THSD7B: variants seen among roughly 807,000 people sequenced by gnomAD.
The protein encoded by THSD7B is thrombospondin type 1 domain containing 7B.
Under a neutral mutation model 213.6 loss-of-function variants are expected in THSD7B, and 138 were observed. The observed-to-expected ratio is 0.65, with a 90% CI of 0.56 to 0.74. The LOEUF is 0.74. Among genes scored for constraint, THSD7B ranks in the 30% least tolerant of loss-of-function variants. THSD7B has a pLI of 0.00. For synonymous variants in THSD7B, 742 were observed against 687.0 expected (o/e 1.08, Z -1.25); for missense variants, 1,931 against 1,991.5 (o/e 0.97, Z 0.58).
At chr2:136,990,985 C>T (rs771982692) in intron 2 of THSD7B, 25 of 1,290,608 alleles carry the variant, frequency 1.9e-5, no homozygotes, top group East Asian at 5.3e-5. Context: ...ACTATCACAT[C>T]GTCTCTGCTG....
chr2:137,325,151 C>A (rs1033897384), intron 12 of THSD7B, among the ~76,000 whole-genome samples: 1 of 88,078 alleles, frequency 1.1e-5, no homozygotes, highest in Non-Finnish European at 2.5e-5. Context: ...CCTTCTCCAC[C>A]TACATTGTTT....
At chr2:136,809,909 A>G (rs1484541869) in intron 1 of THSD7B, among the ~76,000 whole-genome samples, 1 of 152,200 alleles carries the variant, frequency 6.6e-6, no homozygotes, top group Admixed American at 6.5e-5. Flanking sequence ...CAGAATAGGC[A>G]TGATGGGCTG....
At chr2:137,102,034 G>A (rs1688160267) in intron 4 of THSD7B, among the ~76,000 whole-genome samples, 1 of 152,242 alleles carries the variant, frequency 6.6e-6, no homozygotes, top group Non-Finnish European at 1.5e-5. Flanking sequence ...CAGCACTCAA[G>A]CTCTGCTAAG....
intron 12 of THSD7B, among the ~76,000 whole-genome samples, chr2:137,297,430 T>G (rs1683493114): frequency 6.6e-6 from 1 of 151,862 alleles, no homozygotes; most frequent in African/African-American, 2.4e-5. Flanking sequence ...ATTTGAAGGT[T>G]TTTTCTTTCT....
chr2:136,873,018 A>G (rs1436540095), intron 1 of THSD7B, among the ~76,000 whole-genome samples: 1 of 50,480 alleles, frequency 2.0e-5, no homozygotes, highest in Non-Finnish European at 4.4e-5. Flanking sequence ...GCAAGACTCC[A>G]TCTAAAAAAA....
chr2:136,791,558 C>T (rs889443423), intron 1 of THSD7B, among the ~76,000 whole-genome samples: 2 of 151,764 alleles, frequency 1.3e-5, no homozygotes, highest in East Asian at 1.9e-4. Flanking sequence ...CCCCGCCCCC[C>T]ATCCGAGGCA....
chr2:137,419,927 G>C (rs1686886811), intron 14 of THSD7B, among the ~76,000 whole-genome samples: 1 of 152,024 alleles, frequency 6.6e-6, no homozygotes, highest in South Asian at 2.1e-4. Context: ...ATACCCCTTT[G>C]CTATATTGAC....
chr2:137,612,692 G>T (rs1042024788), intron 17 of THSD7B, among the ~76,000 whole-genome samples: 1 of 152,040 alleles, frequency 6.6e-6, no homozygotes, highest in East Asian at 1.9e-4. Context: ...AGGAACCCTG[G>T]TTTTCTCTCT....
intron 2 of THSD7B, among the ~76,000 whole-genome samples, chr2:137,011,840 G>T (rs1261182243): frequency 6.6e-6 from 1 of 152,078 alleles, no homozygotes; most frequent in Admixed American, 6.6e-5. Context: ...TCTTTTGTTT[G>T]ATCACTACCG....
chr2:137,628,920 T>C (rs1682687873), intron 20 of THSD7B, among the ~76,000 whole-genome samples: 1 of 152,170 alleles, frequency 6.6e-6, no homozygotes, highest in Non-Finnish European at 1.5e-5. Context: ...ACCTTGGCAC[T>C]TTTCCTTACA....
chr2:136,843,073 G>T (rs1020034346), intron 1 of THSD7B, among the ~76,000 whole-genome samples: 2 of 146,486 alleles, frequency 1.4e-5, no homozygotes, highest in African/African-American at 5.1e-5. Context: ...CTGTTCACTC[G>T]TATCGAGTGG....
At chr2:136,922,323 A>G (rs1684449651) in intron 2 of THSD7B, among the ~76,000 whole-genome samples, 1 of 152,178 alleles carries the variant, frequency 6.6e-6, no homozygotes. Context: ...ACCTGATTCC[A>G]ATGGGAACAT....
chr2:136,938,153 G>A (rs1684764130), intron 2 of THSD7B, among the ~76,000 whole-genome samples: 1 of 152,202 alleles, frequency 6.6e-6, no homozygotes, highest in Admixed American at 6.5e-5. Flanking sequence ...TACTTATGCA[G>A]TGGTTTGTAG....
chr2:137,317,583 C>G (rs781134780), intron 12 of THSD7B, among the ~76,000 whole-genome samples: 3 of 152,194 alleles, frequency 2.0e-5, no homozygotes, highest in African/African-American at 4.8e-5. Flanking sequence ...GTTTTACTAA[C>G]TCACAAAACG....
intron 12 of THSD7B, among the ~76,000 whole-genome samples, chr2:137,310,556 G>A (rs1018245544): frequency 2.6e-5 from 4 of 151,246 alleles, no homozygotes; most frequent in Non-Finnish European, 5.9e-5. Flanking sequence ...TGCTTTTGGT[G>A]TTTTAGACAT....
intron 21 of THSD7B, among the ~76,000 whole-genome samples, chr2:137,650,518 C>T (rs1683118516): frequency 6.6e-6 from 1 of 152,140 alleles, no homozygotes; most frequent in African/African-American, 2.4e-5. Context: ...AAGATCATAT[C>T]ATCTGCAAAC....
At chr2:137,227,113 T>C (rs1369941733) in intron 7 of THSD7B, among the ~76,000 whole-genome samples, 3 of 152,168 alleles carry the variant, frequency 2.0e-5, no homozygotes, top group South Asian at 2.1e-4. Flanking sequence ...GGGCTTTACT[T>C]TGGAGTGATT....
chr2:137,148,178 T>G (rs1212171055), intron 5 of THSD7B, among the ~76,000 whole-genome samples: 2 of 152,074 alleles, frequency 1.3e-5, no homozygotes, highest in East Asian at 3.9e-4. Context: ...TATAAAGGAC[T>G]TTTCCCCCTC....
rs186663421 is a variant in THSD7B at position 137,268,399 on chromosome 2, C to G, written c.2267-4134C>G. On this transcript the variant is annotated intron_variant, in intron 10 of 27. Coordinates refer to ENST00000409968, the MANE Select transcript of THSD7B (RefSeq NM_001316349.2). ...ATTCCCACCTATGAGTGAGAACATG[C>G]AGTGTTTGGTTTTCTGTCCTTGTGA... 3.5e-4 allele frequency among the ~76,000 whole-genome samples: 52 copies of G among 150,570 alleles called. No individual in the cohort carries two copies. The East Asian group carries it at 1.0e-2, about 29-fold the overall frequency.
Sources: gnomAD v4.1 joint callset for allele counts (sites outside exome capture counted in the v4.1 genomes callset) on GRCh38, gnomAD v4.1.1 for gene constraint, MANE v1.5 for transcripts, NCBI Gene and HGNC (gene_info 2026-07-23, HGNC 2026-07-21) for gene names.